The following PCCA variants were observed in gnomAD, a reference collection of about 807,000 sequenced individuals.
PCCA encodes propionyl-CoA carboxylase subunit alpha.
A neutral mutation model predicts 101.3 loss-of-function variants in PCCA; 74 were observed. That is an observed-to-expected ratio of 0.73 (90% CI 0.61 to 0.89). PCCA has a LOEUF of 0.89. Among genes scored for constraint, PCCA ranks in the 40% least tolerant of loss-of-function variants. PCCA has a pLI of 0.00. For missense variants in PCCA, 891 were observed against 907.0 expected (o/e 0.98, Z 0.23); for synonymous variants, 294 against 313.6 (o/e 0.94, Z 0.66).
rs1357780167 is a variant in PCCA, at chr13:100,515,522, G to A, written c.1995G>A (p.Pro665=). 15 of 1,614,080 alleles carry A rather than the reference G, an allele frequency of 9.3e-6. No individual in the cohort carries two copies. The highest frequency in any genetic ancestry group is 1.2e-5 in the Non-Finnish European group (14 of 1,179,996). ...ACACAAGCAGTGTTCTGCGTTCCCC[G>A]ATGCCCGGAGTGGTGGTGGCCGTCT... ...TEDTSSVLRS[P]MPGVVVAVSV... is the part of the protein sequence containing the mutation. Residue 665 remains proline (P), a synonymous_variant, in exon 22 of 24, where the codon CCG becomes CCA. Transcript: ENST00000376285.
At chr13:100,524,373 T>TTGTG (rs2087551743) in intron 22 of PCCA, among the ~76,000 whole-genome samples, 1 of 32,244 alleles carries the variant, frequency 3.1e-5, no homozygotes, top group African/African-American at 9.0e-5. Context: ...TCAATTAAGC[T>TTGTG]CGTGTGTGTG....
At chr13:100,438,254 A>G (rs1030798158) in intron 20 of PCCA, among the ~76,000 whole-genome samples, 17 of 151,942 alleles carry the variant, frequency 1.1e-4, no homozygotes, top group Non-Finnish European at 1.0e-4. Context: ...TCCCAGACTC[A>G]ACTGATCCTC....
intron 8 of PCCA, among the ~76,000 whole-genome samples, chr13:100,253,053 A>C (rs1185854968): frequency 6.6e-6 from 1 of 152,200 alleles, no homozygotes; most frequent in Non-Finnish European, 1.5e-5. Flanking sequence ...TTTCTCAGAG[A>C]AGCATTTTCA....
At chr13:100,422,528 G>A (rs1271289492) in intron 19 of PCCA, among the ~76,000 whole-genome samples, 1 of 152,116 alleles carries the variant, frequency 6.6e-6, no homozygotes, top group East Asian at 1.9e-4. Flanking sequence ...ATCCTGTTAT[G>A]TATCTTTGAA....
At chr13:100,457,313 C>A (rs188727542) in intron 21 of PCCA, among the ~76,000 whole-genome samples, 2 of 152,216 alleles carry the variant, frequency 1.3e-5, no homozygotes, top group East Asian at 1.9e-4. Context: ...TTCACGCACA[C>A]GTTCTGACTA....
intron 20 of PCCA, among the ~76,000 whole-genome samples, chr13:100,441,839 G>GT (rs992838932): frequency 2.0e-5 from 3 of 152,046 alleles, no homozygotes; most frequent in East Asian, 1.9e-4. Flanking sequence ...TGAATACTTT[G>GT]TTTTTTGTGG....
In PCCA at chr13:100,450,324, G is replaced by GT. The variant is rs568359528; in HGVS notation, c.1899+1020dup. 2.0e-5 allele frequency among the ~76,000 whole-genome samples: 3 copies of GT among 152,074 alleles called. No individual in the cohort carries two copies. In the South Asian group the frequency reaches 6.2e-4, roughly 32 times the overall value. On this transcript the variant is annotated intron_variant, in intron 21 of 23. Coordinates refer to ENST00000376285, the MANE Select transcript of PCCA (RefSeq NM_000282.4). ...CAGGAGAATCGCCTGAACTGAGGAG[G>GT]TGGAGGTTGCAGTGAGCCACGATTG...
rs1373030674 is a variant in PCCA at position 100,530,310 on chromosome 13, T to G, written c.*144T>G. 2.8e-6 allele frequency: 2 copies of G among 720,552 alleles called. No individual in the cohort carries two copies. The highest frequency in any genetic ancestry group is 5.0e-6 in the Non-Finnish European group (2 of 400,526). The allele number at this position is 720,552 out of a possible 1,614,324, so 44.6% of individuals were successfully genotyped here. Reference sequence around the variant, plus strand: ...ATTTATTCCACAGAGTCAAGACCAATATTCTGCCAAAAAATCACCAATGGA... The same window carrying G: ...ATTTATTCCACAGAGTCAAGACCAAGATTCTGCCAAAAAATCACCAATGGA... On this transcript the variant is annotated 3_prime_UTR_variant, in exon 24 of 24. Transcript: ENST00000376285.
At chr13:100,450,024 A>G (rs2081106519) in intron 21 of PCCA, among the ~76,000 whole-genome samples, 1 of 152,206 alleles carries the variant, frequency 6.6e-6, no homozygotes, top group Admixed American at 6.5e-5. Context: ...ATTTATTATT[A>G]CTATTTTACT....
chr13:100,384,762 T>TTA (rs1436856010), intron 19 of PCCA, among the ~76,000 whole-genome samples: 2 of 152,272 alleles, frequency 1.3e-5, no homozygotes, highest in Admixed American at 1.3e-4. Flanking sequence ...TTTATGCCTA[T>TTA]TATAGGCTTT....
chr13:100,150,164 A>T (rs922099343), intron 4 of PCCA, among the ~76,000 whole-genome samples: 1 of 151,354 alleles, frequency 6.6e-6, no homozygotes, highest in Non-Finnish European at 1.5e-5. Flanking sequence ...AGTAGCTGGG[A>T]TTACAGGCAT....
At chr13:100,269,566 G>A (rs1204440741) in intron 11 of PCCA, among the ~76,000 whole-genome samples, 1 of 152,076 alleles carries the variant, frequency 6.6e-6, no homozygotes, top group African/African-American at 2.4e-5. Flanking sequence ...GGTGTATGGG[G>A]CCTCATTTCT....
chr13:100,437,443 T>A (rs2080019953), intron 20 of PCCA, among the ~76,000 whole-genome samples: 1 of 151,700 alleles, frequency 6.6e-6, no homozygotes, highest in Non-Finnish European at 1.5e-5. Context: ...TTTAAAGTCT[T>A]TTTCTATTAA....
At chr13:100,138,734 A>C (rs9585360) in intron 4 of PCCA, among the ~76,000 whole-genome samples, 8,659 of 152,018 alleles carry the variant, frequency 0.057, 840 homozygotes, top group African/African-American at 0.2. Context: ...GGAGTTCAAG[A>C]CCAGCCTGGC....
intron 21 of PCCA, among the ~76,000 whole-genome samples, chr13:100,485,620 C>G (rs912088354): frequency 6.6e-6 from 1 of 152,164 alleles, no homozygotes; most frequent in African/African-American, 2.4e-5. Context: ...GTTTCCTAAA[C>G]GTACTACAAG....
At chr13:100,367,780 AACCCC>A (rs1226430037) in intron 18 of PCCA, among the ~76,000 whole-genome samples, 2 of 151,204 alleles carry the variant, frequency 1.3e-5, no homozygotes, top group African/African-American at 4.9e-5. Flanking sequence ...AAAATAGTGA[AACCCC>A]ATCTCTACTA....
At chr13:100,442,643 G>A (rs745466724) in intron 20 of PCCA, among the ~76,000 whole-genome samples, 1 of 152,174 alleles carries the variant, frequency 6.6e-6, no homozygotes, top group Non-Finnish European at 1.5e-5. Flanking sequence ...CAAGGAACAA[G>A]ACTTACCTTC....
Position 100,209,336 on chromosome 13 carries a change from CAGA to C in PCCA, c.477_479del (p.Glu159del). On this transcript the variant is annotated inframe_deletion, in exon 7 of 24. Coordinates refer to ENST00000376285, the MANE Select transcript of PCCA (RefSeq NM_000282.4). ...TTGACTTGTTTTTCTCCACAGGCAG[CAGA>C]AGATGTCGTTTTCATTGGACCTGAC... The C allele has an allele frequency of 6.2e-7, 1 of 1,613,520 alleles. No homozygotes were observed. Among genetic ancestry groups the C allele is most frequent in the Non-Finnish European group, 8.5e-7 (1 of 1,179,480 alleles).
intron 17 of PCCA, among the ~76,000 whole-genome samples, chr13:100,332,194 T>A (rs1382561744): frequency 6.6e-6 from 1 of 152,138 alleles, no homozygotes; most frequent in Non-Finnish European, 1.5e-5. Context: ...CGCCTCGGCC[T>A]CCCAAAGCGC....
Sources: allele counts gnomAD v4.1 joint callset (sites outside exome capture counted in the v4.1 genomes callset), GRCh38; gene constraint gnomAD v4.1.1; transcripts MANE v1.5; gene names NCBI Gene and HGNC (gene_info 2026-07-23, HGNC 2026-07-21).